Variants in PKD1 observed in about 807,000 individuals in gnomAD.
PKD1 encodes polycystin 1, transient receptor potential channel interacting.
Under a neutral mutation model 361.7 loss-of-function variants are expected in PKD1, and 81 were observed. That is an observed-to-expected ratio of 0.22 (90% CI 0.19 to 0.27). The LOEUF is 0.27. Among genes scored for constraint, PKD1 ranks in the 10% least tolerant of loss-of-function variants. The pLI is 1.00. For missense variants in PKD1, 6,399 were observed against 6,118.3 expected (o/e 1.05, Z -1.53); for synonymous variants, 3,615 against 2,818.3 (o/e 1.28, Z -8.95).
At chr16:2,125,180 G>A (rs934798304) in intron 1 of PKD1, among the ~76,000 whole-genome samples, 8 of 152,214 alleles carry the variant, frequency 5.3e-5, no homozygotes, top group Non-Finnish European at 8.8e-5. Flanking sequence ...TTAAATTAAC[G>A]GGCTGCAGTT....
At chr16:2,099,136 T>C (rs1047709955) in intron 30 of PKD1, 2 of 276,384 alleles carry the variant, frequency 7.2e-6, no homozygotes, top group Admixed American at 5.1e-5. Context: ...CTGGCCCTTT[T>C]TAATGTTTTA....
rs200159561 is a variant in PKD1, at chr16:2,106,860, G to C, written c.7154C>G (p.Ser2385Cys). ...GCAGCGGCCCTCCAAGTACACGTAG[G>C]AGCTGCGGCTCACTTCGTACACGGC... The part of the protein sequence containing the change: ...AQAVYEVSRS[S>C]YVYLEGRCLN... The change falls in exon 17 of 46, where the codon TCC (serine) becomes TGC (cysteine). Residue 2385 changes from serine (S) to cysteine (C), a missense_variant. Transcript: ENST00000262304. The surrounding 1 kb of genome is among the most constrained non-coding windows in gnomAD (Gnocchi z 6.5). 4.5e-6 allele frequency: 7 copies of C among 1,550,210 alleles called. No individual in the cohort carries two copies. The highest frequency in any genetic ancestry group is 5.2e-6 in the Non-Finnish European group (6 of 1,142,944).
chr16:2,116,618 G>A lies in PKD1; in HGVS notation c.1633C>T (p.Leu545Phe), dbSNP rs2092641301. ...AGGTCCCCACTGGGCGCTCCCACGAGGAGGTTCTCGGCATCCTGCACTGGG... is the reference window on the plus strand; with the variant it reads ...AGGTCCCCACTGGGCGCTCCCACGAAGAGGTTCTCGGCATCCTGCACTGGG... Reference protein sequence around the residue: ...GGPVQDAENLLVGAPSGDLQG... With the variant: ...GGPVQDAENLFVGAPSGDLQG... Residue 545 changes from leucine to phenylalanine, a missense_variant, in exon 8 of 46, where the codon CTC becomes TTC. By Grantham distance (22) the Leu-to-Phe change is conservative. Transcript: ENST00000262304. The A allele has an allele frequency of 1.3e-6, 2 of 1,551,838 alleles. No individual in the cohort carries two copies. The highest frequency in any genetic ancestry group is 2.4e-5 in the East Asian group (1 of 42,178).
intron 1 of PKD1, chr16:2,120,326 C>T (rs184886321): frequency 2.8e-3 from 439 of 157,060 alleles, no homozygotes; most frequent in African/African-American, 0.01. Context: ...AGAAAACAAA[C>T]TACAATCTCA....
At chr16:2,096,442 A>G (rs2091851219) in intron 34 of PKD1, among the ~76,000 whole-genome samples, 1 of 152,220 alleles carries the variant, frequency 6.6e-6, no homozygotes, top group Non-Finnish European at 1.5e-5. Flanking sequence ...GTGCGTGACT[A>G]TGTGCGTGAC....
chr16:2,098,453 T>C (rs1399534234), intron 30 of PKD1, among the ~76,000 whole-genome samples: 32 of 149,882 alleles, frequency 2.1e-4, no homozygotes, highest in Middle Eastern at 3.4e-3. Context: ...TCAAGTGATC[T>C]GCCCGCCTCC....
At position 2,135,649 on chromosome 16, in the gene PKD1, C is replaced by CCCAGGG. The variant is rs2092941739; in HGVS notation, c.35_40dup (p.Ala12_Leu13dup). 1.1e-5 allele frequency: 9 copies of CCCAGGG among 833,552 alleles called. No individual in the cohort carries two copies. The highest frequency in any genetic ancestry group is 1.9e-5 in the African/African-American group (1 of 53,894). The allele number at this position is 833,552 out of a possible 1,614,324, so 51.6% of individuals were successfully genotyped here. On this transcript the variant is annotated inframe_insertion, in exon 1 of 46. Transcript: ENST00000262304. The stretch of plus-strand genomic sequence containing the variant: ...CAGCGCCCCGAGCCACAGGCCCAGG[C>CCCAGGG]CCAGGGCCAGCGCCAGGCGGGCGGG...
At chr16:2,107,051 G>A (rs2092363244) in intron 16 of PKD1, 103 bp from the exon 17 acceptor site, 4 of 1,122,386 alleles carry the variant, frequency 3.6e-6, no homozygotes, top group Non-Finnish European at 5.3e-6. Context: ...GGTTTCCCAG[G>A]GGCCTGGCCA....
In PKD1 at chr16:2,106,323, G is replaced by A. The variant is rs767603290; in HGVS notation, c.7490-19C>T. 5.1e-5 allele frequency: 82 copies of A among 1,606,300 alleles called. No individual in the cohort carries two copies. Among genetic ancestry groups the A allele is most frequent in the Middle Eastern group, 2.2e-4 (1 of 4,446 alleles). The stretch of plus-strand genomic sequence containing the variant: ...TGCCAGCCTGAGGGACGGTCCCCAC[G>A]GCATCACGGGAGGGCTCCGTGACGT... On this transcript the variant is annotated intron_variant, in intron 18 of 45. Transcript: ENST00000262304. The surrounding 1 kb of genome is among the most constrained non-coding windows in gnomAD (Gnocchi z 6.5).
Position 2,111,877 on chromosome 16 carries a change from G to A in PKD1, c.3296-6C>T, listed in dbSNP as rs755138115. 2 of 1,610,116 alleles carry A rather than the reference G, an allele frequency of 1.2e-6. No individual in the cohort carries two copies. The highest frequency in any genetic ancestry group is 8.5e-7 in the Non-Finnish European group (1 of 1,179,484). On this transcript the variant is annotated splice_polypyrimidine_tract_variant and splice_region_variant and intron_variant, in intron 14 of 45. Transcript: ENST00000262304. ...CACGGTCAGGAGGTACTCACCTGTG[G>A]GGACAGGCCCGAGTGGGGCAGCCGC...
intron 1 of PKD1, among the ~76,000 whole-genome samples, chr16:2,128,461 G>C (rs2092825785): frequency 6.6e-6 from 1 of 151,910 alleles, no homozygotes; most frequent in Admixed American, 6.6e-5. Flanking sequence ...ACCTCTGTCT[G>C]TCTATAAACC....
intron 26 of PKD1, among the ~76,000 whole-genome samples, chr16:2,101,319 C>T (rs1167607003): frequency 6.6e-6 from 1 of 151,470 alleles, no homozygotes; most frequent in African/African-American, 2.4e-5. Context: ...AAAGAAAGAA[C>T]TGGGCAATGA....
rs748933726 is a variant in PKD1, at chr16:2,109,092, G to A, written c.6075C>T (p.Asp2025=). The change falls in exon 15 of 46, where the codon GAC becomes GAT. Residue 2025 remains aspartate, a synonymous_variant. Transcript: ENST00000262304. ...GDSLVILSGR[D]VTYTPVAAGL... is the part of the protein sequence containing the mutation. ...CCGCGGCCACGGGCGTGTAGGTGAC[G>A]TCGCGGCCCGACAGGATGACCAGCG... The A allele has an allele frequency of 4.9e-5, 78 of 1,603,400 alleles. No homozygotes were observed. Among genetic ancestry groups the A allele is most frequent in the Non-Finnish European group, 4.8e-5 (56 of 1,173,906 alleles).
rs763066962 is a variant in PKD1, at chr16:2,103,795, G to T, written c.8262C>A (p.Asn2754Lys). 1.2e-5 allele frequency: 19 copies of T among 1,609,456 alleles called. No homozygotes were observed. Among genetic ancestry groups the T allele is most frequent in the Non-Finnish European group, 1.5e-5 (18 of 1,179,550 alleles). Reference protein sequence around the residue: ...PSRMVASQAYNLTSALMRILM... With the variant: ...PSRMVASQAYKLTSALMRILM... The stretch of plus-strand genomic sequence containing the variant: ...GGATGCGCATGAGGGCAGAGGTCAG[G>T]TTGTAGGCCTGGGACGCCACCATCC... Residue 2754 changes from asparagine to lysine, a missense_variant, in exon 23 of 46, where the codon AAC (asparagine) becomes AAA (lysine). Asn to Lys is a moderately conservative substitution (Grantham distance 94). Transcript: ENST00000262304.
rs748021456 is a variant in PKD1, at chr16:2,118,318, G to C, written c.674C>G (p.Ser225Trp). ...FSTGQGLAAL[S>W]EQGWCLCGAA... ...CCCACACAGGCACCAGCCCTGCTCC[G>C]AGAGGGCTGCGAGGCCCTGGCCGGT... Residue 225 changes from serine to tryptophan, a missense_variant, in exon 5 of 46, where the codon TCG (serine) becomes TGG (tryptophan). By Grantham distance (177) the Ser-to-Trp change is radical. Coordinates refer to ENST00000262304, the MANE Select transcript of PKD1 (RefSeq NM_001009944.3). This position sits in a 1 kb window ranked among gnomAD's most constrained non-coding sequence, Gnocchi z 6.0. 32 of 1,513,270 alleles carry C rather than the reference G, an allele frequency of 2.1e-5. No individual in the cohort carries two copies. The highest frequency in any genetic ancestry group is 2.8e-5 in the Non-Finnish European group (32 of 1,128,248). 93.7% of individuals were successfully genotyped at this position (1,513,270 alleles called of 1,614,324 possible).
At chr16:2,094,831 G>A (rs1308451031) in intron 34 of PKD1, 1 of 154,194 alleles carries the variant, frequency 6.5e-6, no homozygotes, top group Non-Finnish European at 1.4e-5. Context: ...CGTTGAGGGG[G>A]AGGACGAGAC....
Position 2,106,937 on chromosome 16 carries a change from C to G in PKD1, c.7077G>C (p.Arg2359=), listed in dbSNP as rs4018162. 3.1e-3 allele frequency: 4,966 copies of G among 1,583,042 alleles called. 115 individuals carry two copies. In the African/African-American group the frequency reaches 0.049, roughly 16 times the overall value. ...AGGACACAATGGGCACCCGGCCACT[C>G]CGGATCAGCACCTGGCGTGGGAGTG... ...EEATNQTVLI[R]SGRVPIVSLE... is the part of the protein sequence containing the mutation. Residue 2359 remains arginine, a synonymous_variant, in exon 17 of 46, where the codon CGG becomes CGC. Transcript: ENST00000262304. The surrounding 1 kb of genome is among the most constrained non-coding windows in gnomAD (Gnocchi z 6.5).
At chr16:2,092,008 G>T (rs771889701) in intron 40 of PKD1, 39 bp downstream of exon 40, 3 of 1,612,488 alleles carry the variant, frequency 1.9e-6, no homozygotes, top group South Asian at 1.1e-5. Flanking sequence ...CTACTCCCTT[G>T]TCCTTGGCGT....
At chr16:2,092,840 C>T in intron 38 of PKD1, 114 bp downstream of exon 38, 1 of 1,311,966 alleles carries the variant, frequency 7.6e-7, no homozygotes, top group Non-Finnish European at 1.1e-6. Flanking sequence ...CACCTACCTC[C>T]AGTTCTAGCA....
Sources: allele counts gnomAD v4.1 joint callset (sites outside exome capture counted in the v4.1 genomes callset), GRCh38; gene constraint gnomAD v4.1.1; non-coding constraint Gnocchi (gnomAD v3.1); transcripts MANE v1.5; gene names NCBI Gene and HGNC (gene_info 2026-07-23, HGNC 2026-07-21).